KIAA1549L: variants seen among roughly 807,000 people sequenced by gnomAD.
The protein encoded by KIAA1549L is KIAA1549 like.
In KIAA1549L, 88 loss-of-function variants were observed where a neutral mutation model predicts 160.7. The observed-to-expected ratio is 0.55, with a 90% CI of 0.46 to 0.65. KIAA1549L has a LOEUF of 0.65. KIAA1549L is among the 30% of genes least tolerant of loss of function. The probability of loss-of-function intolerance (pLI) is 0.00; values close to 1 mark genes in which losing one functional copy is unlikely to be tolerated. For missense variants in KIAA1549L, 2,258 were observed against 2,437.5 expected, an observed-to-expected ratio of 0.93 and a Z score of 1.55; for synonymous variants, 950 against 976.7, an observed-to-expected ratio of 0.97 and a Z score of 0.51.
At chr11:33,652,317 G>A (rs995767336) in intron 17 of KIAA1549L, among the ~76,000 whole-genome samples, 1 of 152,108 alleles carries the variant, frequency 6.6e-6, no homozygotes, top group African/African-American at 2.4e-5. Context: ...AAGACACCCT[G>A]GGGGAGGATT....
At chr11:33,443,308 C>A (rs1049007973) in intron 1 of KIAA1549L, among the ~76,000 whole-genome samples, 1 of 151,838 alleles carries the variant, frequency 6.6e-6, no homozygotes, top group African/African-American at 2.4e-5. Flanking sequence ...CCCATTTGCT[C>A]TTCTTTTTAG....
At chr11:33,576,528 G>T (rs1855452684) in intron 10 of KIAA1549L, among the ~76,000 whole-genome samples, 1 of 152,114 alleles carries the variant, frequency 6.6e-6, no homozygotes, top group Non-Finnish European at 1.5e-5. Context: ...TCTGTTCTCA[G>T]CTCTTTCTCC....
intron 15 of KIAA1549L, among the ~76,000 whole-genome samples, 180 bp from the exon 16 acceptor site, chr11:33,618,353 A>G (rs1850874374): frequency 6.6e-6 from 1 of 152,252 alleles, no homozygotes; most frequent in African/African-American, 2.4e-5. Context: ...CATCTGGAAA[A>G]AAAAAAATCT....
intron 1 of KIAA1549L, among the ~76,000 whole-genome samples, chr11:33,410,814 A>G (rs1250056370): frequency 1.3e-5 from 2 of 152,240 alleles, no homozygotes; most frequent in African/African-American, 2.4e-5. Flanking sequence ...AACTAAAAGA[A>G]GGGATTTGCA....
In KIAA1549L at chr11:33,618,661, A is replaced by T. The variant is rs1455983144; in HGVS notation, c.5408A>T (p.Asp1803Val). Residue 1803 changes from aspartate (D) to valine (V), a missense_variant and splice_region_variant, in exon 16 of 21, where the codon GAT becomes GTT. Transcript: ENST00000658780. ...PRRGIRNSGY[D>V]TEPEIIEETN... ...CGTGGAATCCGCAACAGCGGATACG[A>T]TGTGAGTCTCTGGTGGGCTGGGTAA... is the stretch of plus-strand genomic sequence containing the variant. The T allele has an allele frequency of 1.9e-6, 3 of 1,581,850 alleles. No homozygotes were observed. The highest frequency in any genetic ancestry group is 2.6e-6 in the Non-Finnish European group (3 of 1,161,576).
intron 1 of KIAA1549L, among the ~76,000 whole-genome samples, chr11:33,378,320 C>A (rs1366740934): frequency 2.0e-5 from 3 of 152,158 alleles, no homozygotes; most frequent in African/African-American, 7.2e-5. Context: ...TCTTGTTCAG[C>A]CTGATGTTGG....
chr11:33,615,002 C>T (rs992116045), intron 15 of KIAA1549L, among the ~76,000 whole-genome samples: 1 of 152,056 alleles, frequency 6.6e-6, no homozygotes, highest in Non-Finnish European at 1.5e-5. Context: ...AACTGTCTCC[C>T]ACACTTTTCC....
chr11:33,667,767 C>G, intron 20 of KIAA1549L, 106 bp from the exon 21 acceptor site: 2 of 933,336 alleles, frequency 2.1e-6, no homozygotes, highest in South Asian at 3.4e-5. Context: ...TCTAAGTTCT[C>G]TTCCATGTCC....
intron 1 of KIAA1549L, among the ~76,000 whole-genome samples, chr11:33,443,029 A>G (rs1049433167): frequency 2.0e-5 from 3 of 152,108 alleles, no homozygotes; most frequent in Non-Finnish European, 4.4e-5. Context: ...TGATTTGCTT[A>G]ATTTGCTTAA....
intron 1 of KIAA1549L, among the ~76,000 whole-genome samples, chr11:33,430,391 G>A (rs1184146840): frequency 6.6e-6 from 1 of 152,068 alleles, no homozygotes; most frequent in African/African-American, 2.4e-5. Flanking sequence ...TATAATCTGA[G>A]TCTTTTTCCT....
At chr11:33,546,835 A>C (rs1854281724) in intron 3 of KIAA1549L, among the ~76,000 whole-genome samples, 1 of 152,228 alleles carries the variant, frequency 6.6e-6, no homozygotes, top group Non-Finnish European at 1.5e-5. Flanking sequence ...ACCTATGATA[A>C]AGCTTAATTT....
chr11:33,388,993 CA>C (rs1467493123), intron 1 of KIAA1549L, among the ~76,000 whole-genome samples: 1 of 152,178 alleles, frequency 6.6e-6, no homozygotes, highest in African/African-American at 2.4e-5. Flanking sequence ...TGGCTTTGCC[CA>C]AGTGTCCTAA....
At position 33,542,958 on chromosome 11, in the gene KIAA1549L, A is replaced by G. The variant is rs374887335; in HGVS notation, c.1395A>G (p.Glu465=). 1.2e-6 allele frequency: 2 copies of G among 1,614,060 alleles called. No homozygotes were observed. Among genetic ancestry groups the G allele is most frequent in the East Asian group, 4.5e-5 (2 of 44,884 alleles). ...CCAGAGGGCCCGCCCTTTCGGCAGA[A>G]CACACCTCTTCTTTGGTGCCTTCTC... The part of the protein sequence containing the change: ...ENSRGPALSA[E]HTSSLVPSLH... Residue 465 remains glutamate, a synonymous_variant, in exon 2 of 21, where the codon GAA becomes GAG. Coordinates refer to ENST00000658780, the MANE Select transcript of KIAA1549L (RefSeq NM_012194.3).
At chr11:33,513,064 C>CCTCA (rs2133109552) in intron 1 of KIAA1549L, among the ~76,000 whole-genome samples, 1 of 152,262 alleles carries the variant, frequency 6.6e-6, no homozygotes, top group East Asian at 1.9e-4. Flanking sequence ...GATACAGGGA[C>CCTCA]AGAGAACATC....
intron 1 of KIAA1549L, among the ~76,000 whole-genome samples, chr11:33,459,679 G>A (rs1309679548): frequency 2.6e-5 from 4 of 151,918 alleles, no homozygotes; most frequent in East Asian, 1.9e-4. Context: ...AGCCTTCATC[G>A]GGCCGGGCGC....
intron 16 of KIAA1549L, among the ~76,000 whole-genome samples, chr11:33,628,269 G>T (rs1851176149): frequency 6.6e-6 from 1 of 152,114 alleles, no homozygotes; most frequent in South Asian, 2.1e-4. Context: ...CTGTTGATTT[G>T]GGGTGGAGAG....
chr11:33,630,360 C>T (rs559613442), intron 16 of KIAA1549L, among the ~76,000 whole-genome samples: 18 of 152,320 alleles, frequency 1.2e-4, no homozygotes, highest in South Asian at 2.1e-4. Context: ...TGGGCAATGG[C>T]GGGCGCCCCT....
Position 33,545,346 on chromosome 11 carries a change from G to A in KIAA1549L, c.3353G>A (p.Cys1118Tyr). ...TTGKMASNLE[C>Y]QMSSKLLVKT... ...GGCAAAATGGCATCCAACCTGGAGT[G>A]TCAGATGTCCAGTAAGCTCCTGGTG... is the stretch of plus-strand genomic sequence containing the variant. Residue 1118 changes from cysteine to tyrosine, a missense_variant, in exon 3 of 21, where the codon TGT becomes TAT. Transcript: ENST00000658780. 1 of 1,611,592 alleles carries A rather than the reference G, an allele frequency of 6.2e-7. No individual in the cohort carries two copies. The highest frequency in any genetic ancestry group is 8.5e-7 in the Non-Finnish European group (1 of 1,179,450).
intron 1 of KIAA1549L, among the ~76,000 whole-genome samples, chr11:33,507,832 G>A (rs908240360): frequency 6.6e-6 from 1 of 152,166 alleles, no homozygotes; most frequent in African/African-American, 2.4e-5. Flanking sequence ...GTTAGGGTTC[G>A]ATTGCAGACA....
Sources: allele counts gnomAD v4.1 joint callset (sites outside exome capture counted in the v4.1 genomes callset), GRCh38; gene constraint gnomAD v4.1.1; transcripts MANE v1.5; gene names NCBI Gene and HGNC (gene_info 2026-07-23, HGNC 2026-07-21).